The following RANBP2 variants were observed in gnomAD, a reference collection of about 807,000 sequenced individuals.
RANBP2 encodes the protein E3 SUMO-protein ligase RanBP2.
Under a neutral mutation model 303.6 loss-of-function variants are expected in RANBP2, and 57 were observed. That is an observed-to-expected ratio of 0.19 (90% CI 0.15 to 0.23). The LOEUF (loss-of-function observed/expected upper bound fraction) is 0.23. Among genes scored for constraint, RANBP2 ranks in the 10% least tolerant of loss-of-function variants. The probability of loss-of-function intolerance (pLI) is 1.00; values close to 1 mark genes in which losing one functional copy is unlikely to be tolerated. For synonymous variants in RANBP2, 1,167 were observed against 1,301.5 expected, an observed-to-expected ratio of 0.90 and a Z score of 2.23; for missense variants, 3,138 against 3,780.8, an observed-to-expected ratio of 0.83 and a Z score of 4.46.
At chr2:108,872,571 C>T in the RANBP2 span, among the ~76,000 whole-genome samples, 1 of 151,986 alleles carries the variant, frequency 6.6e-6, no homozygotes, top group Non-Finnish European at 1.5e-5. Flanking sequence ...ACTTTAATGG[C>T]GTATATTCTA....
At chr2:108,724,586 T>C (rs1694539989) in intron 1 of RANBP2, among the ~76,000 whole-genome samples, 1 of 152,140 alleles carries the variant, frequency 6.6e-6, no homozygotes, top group African/African-American at 2.4e-5. Flanking sequence ...ATTGGGAAAC[T>C]CATTTCTTTC....
the RANBP2 span, among the ~76,000 whole-genome samples, chr2:109,283,723 A>AG: frequency 2.6e-5 from 4 of 152,170 alleles, no homozygotes; most frequent in Non-Finnish European, 5.9e-5. Context: ...GGGGATGCTA[A>AG]ATCGCTGGCC....
the RANBP2 span, among the ~76,000 whole-genome samples, chr2:109,026,443 A>G: frequency 6.6e-6 from 1 of 151,954 alleles, no homozygotes; most frequent in Admixed American, 6.6e-5. Flanking sequence ...CATTATTTTA[A>G]TGGCCACCGT....
At chr2:108,995,184 A>G in the RANBP2 span, among the ~76,000 whole-genome samples, 4 of 152,082 alleles carry the variant, frequency 2.6e-5, no homozygotes, top group Non-Finnish European at 5.9e-5. Context: ...TTCTAGAGAC[A>G]GGGTCTTGCT....
At chr2:109,462,029 C>G in the RANBP2 span, among the ~76,000 whole-genome samples, 1 of 151,970 alleles carries the variant, frequency 6.6e-6, no homozygotes, top group Non-Finnish European at 1.5e-5. Flanking sequence ...CACCAAACCC[C>G]TAGAAATTTC....
At chr2:108,848,719 G>T in the RANBP2 span, among the ~76,000 whole-genome samples, 1 of 152,118 alleles carries the variant, frequency 6.6e-6, no homozygotes, top group Admixed American at 6.5e-5. Context: ...TGGGGCAGAG[G>T]CTTAGCCAAC....
the RANBP2 span, chr2:109,503,350 C>T: frequency 5.9e-5 from 9 of 152,134 alleles, no homozygotes; most frequent in South Asian, 2.1e-4. Context: ...CTTTGAAACA[C>T]GGGCCGCTTA....
At chr2:109,514,809 G>A in the RANBP2 span, among the ~76,000 whole-genome samples, 2 of 152,158 alleles carry the variant, frequency 1.3e-5, no homozygotes, top group Non-Finnish European at 2.9e-5. Flanking sequence ...GGGTGCCAGG[G>A]GAGAGGGCTG....
the RANBP2 span, among the ~76,000 whole-genome samples, chr2:108,944,849 A>G: frequency 1.3e-5 from 2 of 152,182 alleles, no homozygotes; most frequent in Non-Finnish European, 2.9e-5. Flanking sequence ...ATCCCAGGCC[A>G]GGAGCTATGG....
At chr2:109,167,422 A>G in the RANBP2 span, among the ~76,000 whole-genome samples, 1 of 152,160 alleles carries the variant, frequency 6.6e-6, no homozygotes, top group Non-Finnish European at 1.5e-5. Context: ...GAAGGTTTAT[A>G]TCCTGGCAAG....
chr2:109,394,435 G>A, the RANBP2 span, among the ~76,000 whole-genome samples: 1 of 152,150 alleles, frequency 6.6e-6, no homozygotes, highest in Non-Finnish European at 1.5e-5. Flanking sequence ...TCGGACTAGG[G>A]GGTGGCCCCT....
the RANBP2 span, among the ~76,000 whole-genome samples, chr2:109,607,421 A>G: frequency 2.0e-5 from 3 of 152,128 alleles, no homozygotes; most frequent in Admixed American, 6.6e-5. Context: ...TGCATTCTCA[A>G]TGGGGGCAGT....
the RANBP2 span, among the ~76,000 whole-genome samples, chr2:109,580,735 G>A: frequency 6.6e-6 from 1 of 152,196 alleles, no homozygotes; most frequent in East Asian, 1.9e-4. Context: ...TGAAAAAAAG[G>A]TTTTAAAACA....
At chr2:109,100,231 C>T in the RANBP2 span, among the ~76,000 whole-genome samples, 4 of 152,226 alleles carry the variant, frequency 2.6e-5, no homozygotes, top group Non-Finnish European at 4.4e-5. Flanking sequence ...AACCAGGCCA[C>T]ACAGCAGGAG....
At chr2:109,625,084 C>CAAAAAAAAAAAAA in the RANBP2 span, among the ~76,000 whole-genome samples, 1 of 61,906 alleles carries the variant, frequency 1.6e-5, no homozygotes, top group Non-Finnish European at 2.9e-5. Context: ...ACAACAACAA[C>CAAAAAAAAAAAAA]AACAAAAAAA....
chr2:109,306,289 T>G, the RANBP2 span, among the ~76,000 whole-genome samples: 7 of 152,120 alleles, frequency 4.6e-5, no homozygotes, highest in Non-Finnish European at 1.0e-4. Context: ...GTGCCACGTG[T>G]GTGTTTGCAT....
At chr2:109,380,229 C>G in the RANBP2 span, among the ~76,000 whole-genome samples, 1 of 152,126 alleles carries the variant, frequency 6.6e-6, no homozygotes, top group African/African-American at 2.4e-5. Context: ...CTTCTTAAGT[C>G]TTTTTGAGGT....
At chr2:109,184,815 C>T in the RANBP2 span, among the ~76,000 whole-genome samples, 1 of 152,164 alleles carries the variant, frequency 6.6e-6, no homozygotes, top group Non-Finnish European at 1.5e-5. Flanking sequence ...TTTGCCAAGC[C>T]CAATGAGGCA....
chr2:109,063,909 A>T, the RANBP2 span, among the ~76,000 whole-genome samples: 1 of 151,950 alleles, frequency 6.6e-6, no homozygotes. Flanking sequence ...AATAATTGGT[A>T]GGTGTAATTC....
Sources: gnomAD v4.1 joint callset for allele counts (sites outside exome capture counted in the v4.1 genomes callset) on GRCh38, gnomAD v4.1.1 for gene constraint, MANE v1.5 for transcripts, NCBI Gene and HGNC (gene_info 2026-07-23, HGNC 2026-07-21) for gene names.